Variants in AKAP13 observed in about 807,000 individuals in gnomAD.
AKAP13 encodes the protein A-kinase anchoring protein 13.
AKAP13 carries 80 observed loss-of-function variants against 264.5 expected under a neutral mutation model. That is an observed-to-expected ratio of 0.30 (90% CI 0.25 to 0.36). The LOEUF is 0.36. AKAP13 is among the 10% of genes least tolerant of loss of function. AKAP13 has a pLI of 1.00. For missense variants in AKAP13, 3,712 were observed against 3,435.2 expected, an observed-to-expected ratio of 1.08 and a Z score of -2.01; for synonymous variants, 1,380 against 1,250.2, an observed-to-expected ratio of 1.10 and a Z score of -2.19.
chr15:85,575,157 G>A lies in AKAP13; in HGVS notation c.689G>A (p.Trp230Ter). ...GAGAATGCTGGAGAACCAGACTCCTGGAGCAGTTTATCCTATGAAATACCG... is the reference window on the plus strand; with the variant it reads ...GAGAATGCTGGAGAACCAGACTCCTAGAGCAGTTTATCCTATGAAATACCG... ...TEENAGEPDS[W>*]SSLSYEIPYG... Residue 230 changes from tryptophan to a stop codon, truncating the protein, a stop_gained, in exon 6 of 37, where the codon TGG (tryptophan) becomes TAG (stop). Transcript: ENST00000394518. LOFTEE classifies it high-confidence loss of function. The A allele has an allele frequency of 6.2e-7, 1 of 1,614,048 alleles. No homozygotes were observed. Among genetic ancestry groups the A allele is most frequent in the African/African-American group, 1.3e-5 (1 of 75,008 alleles).
rs897857109 is a variant in AKAP13 at position 85,619,833 on chromosome 15, T to G, written c.4162-19541T>G. On this transcript the variant is annotated intron_variant, in intron 8 of 36. Transcript: ENST00000394518. Reference sequence around the variant, plus strand: ...TAGGTGGTATTTATTGTTTATATTATGAGTTCTACATTCATCTTTCCAGCA... The same window carrying G: ...TAGGTGGTATTTATTGTTTATATTAGGAGTTCTACATTCATCTTTCCAGCA... The G allele has an allele frequency of 1.2e-5, 15 of 1,301,432 alleles. No individual in the cohort carries two copies. The African/African-American group carries it at 2.1e-4, about 18-fold the overall frequency. The allele number at this position is 1,301,432 out of a possible 1,614,324, so 80.6% of individuals were successfully genotyped here. A position where few individuals can be genotyped will look rare whatever the true frequency, so the allele number is the denominator to read the frequency against.
chr15:85,590,893 A>G lies in AKAP13; in HGVS notation c.4161+5070A>G, dbSNP rs77386825. Among the ~76,000 whole-genome samples the G allele has an allele frequency of 9.0e-3, 1,369 of 152,290 alleles. 22 individuals carry two copies. The highest frequency in any genetic ancestry group is 0.028 in the African/African-American group (1,168 of 41,552). ...GCCTGGCACAAAATAAGTACAGCTT[A>G]GTATTATTATTAGTTTAGTAACTTC... On this transcript the variant is annotated intron_variant, in intron 8 of 36. Coordinates refer to ENST00000394518, the MANE Select transcript of AKAP13 (RefSeq NM_007200.5).
At chr15:85,569,521 C>T (rs1391107445) in intron 5 of AKAP13, among the ~76,000 whole-genome samples, 2 of 146,632 alleles carry the variant, frequency 1.4e-5, no homozygotes, top group Non-Finnish European at 3.0e-5. Flanking sequence ...GCATCGATCT[C>T]GGCTCACTGC....
intron 10 of AKAP13, among the ~76,000 whole-genome samples, chr15:85,650,788 A>AAAAAAAAAAAAAAG (rs2082790363): frequency 8.0e-6 from 1 of 124,994 alleles, no homozygotes; most frequent in African/African-American, 2.9e-5. Context: ...AAAAAAAAAA[A>AAAAAAAAAAAAAAG]AACAACAAAA....
At chr15:85,499,627 T>G (rs1439136348) in intron 2 of AKAP13, among the ~76,000 whole-genome samples, 1 of 152,092 alleles carries the variant, frequency 6.6e-6, no homozygotes, top group Non-Finnish European at 1.5e-5. Flanking sequence ...TAACGGCATC[T>G]CTTCCTCTCT....
chr15:85,405,742 T>G (rs2071630186), intron 1 of AKAP13, among the ~76,000 whole-genome samples: 1 of 152,226 alleles, frequency 6.6e-6, no homozygotes, highest in Non-Finnish European at 1.5e-5. Flanking sequence ...TCCAGACTTC[T>G]CTAACGGAGT....
intron 5 of AKAP13, among the ~76,000 whole-genome samples, chr15:85,571,126 G>A (rs2151290310): frequency 6.6e-6 from 1 of 152,258 alleles, no homozygotes. Flanking sequence ...TAGTGTACAG[G>A]TGAGTAAAAG....
In AKAP13 at chr15:85,581,720, G is replaced by T. The variant is rs1013154636; in HGVS notation, c.3652G>T (p.Ala1218Ser). ...AGCTGGTGTGAGGGAAGTCATGCGA[G>T]CCCCGCCTTCAGGCAGGGAAAGGAG... is the stretch of plus-strand genomic sequence containing the variant. ...APAGVREVMRAPPSGRERSTP... is the reference protein window; with the variant it reads ...APAGVREVMRSPPSGRERSTP... The change falls in exon 7 of 37, where the codon GCC becomes TCC. Residue 1218 changes from alanine to serine, a missense_variant. This residue lies in a region of AKAP13 where 2,759 missense variants were observed against 2,411.7 expected (regional missense o/e 1.14). Coordinates refer to ENST00000394518, the MANE Select transcript of AKAP13 (RefSeq NM_007200.5). The T allele has an allele frequency of 6.2e-7, 1 of 1,614,060 alleles. No individual in the cohort carries two copies. The highest frequency in any genetic ancestry group is 8.5e-7 in the Non-Finnish European group (1 of 1,180,026).
Position 85,642,695 on chromosome 15 carries a change from C to T in AKAP13, c.4238-3123C>T, listed in dbSNP as rs1338144513. ...CTCGTCCCAAACTTGGTTTGTTATC[C>T]CTTGTGGTGCTGGCTTGAATTTATT... is the stretch of plus-strand genomic sequence containing the variant. On this transcript the variant is annotated intron_variant, in intron 9 of 36. Coordinates refer to ENST00000394518, the MANE Select transcript of AKAP13 (RefSeq NM_007200.5). Among the ~76,000 whole-genome samples the T allele has an allele frequency of 3.9e-5, 6 of 152,180 alleles. No individual in the cohort carries two copies. The South Asian group carries it at 6.2e-4, about 16-fold the overall frequency.
At chr15:85,401,930 T>G (rs1177671642) in intron 1 of AKAP13, among the ~76,000 whole-genome samples, 1 of 152,148 alleles carries the variant, frequency 6.6e-6, no homozygotes, top group Non-Finnish European at 1.5e-5. Context: ...CTGGTAGAAA[T>G]GTAAAGGATA....
At chr15:85,403,105 A>G (rs1169142871) in intron 1 of AKAP13, among the ~76,000 whole-genome samples, 2 of 152,218 alleles carry the variant, frequency 1.3e-5, no homozygotes, top group African/African-American at 2.4e-5. Flanking sequence ...CCTCATAAAT[A>G]AGGAAAAAAT....
rs114690403 is a variant in AKAP13, at chr15:85,533,676, G to A, written c.274G>A (p.Val92Ile). The A allele has an allele frequency of 7.2e-5, 117 of 1,614,118 alleles. 1 individual carries two copies. In the Admixed American group the frequency reaches 1.3e-3, roughly 18 times the overall value. The change falls in exon 4 of 37, where the codon GTC becomes ATC. Residue 92 changes from valine (V) to isoleucine (I), a missense_variant. Physicochemically the swap from Val to Ile is conservative, Grantham distance 29. Coordinates refer to ENST00000394518, the MANE Select transcript of AKAP13 (RefSeq NM_007200.5). ...GGTGGCTGAAGAAGACTTTCATTTCGTCCAGGATGAAGCGTATGATGCAGC... is the reference window on the plus strand; with the variant it reads ...GGTGGCTGAAGAAGACTTTCATTTCATCCAGGATGAAGCGTATGATGCAGC... Reference protein sequence around the residue: ...FVVAEEDFHFVQDEAYDAAQF... With the variant: ...FVVAEEDFHFIQDEAYDAAQF...
At chr15:85,381,814 T>A (rs1475057902) in intron 1 of AKAP13, 2 of 152,154 alleles carry the variant, frequency 1.3e-5, no homozygotes, top group African/African-American at 4.8e-5. Flanking sequence ...GTGTGCCTTT[T>A]TTTTTGTTAG....
intron 12 of AKAP13, among the ~76,000 whole-genome samples, chr15:85,663,651 C>T (rs1006345163): frequency 6.6e-6 from 1 of 152,176 alleles, no homozygotes; most frequent in Non-Finnish European, 1.5e-5. Context: ...TGGTCAGCTA[C>T]AGCTATGTTT....
chr15:85,553,174 C>T (rs570363290), intron 5 of AKAP13, among the ~76,000 whole-genome samples: 1 of 151,006 alleles, frequency 6.6e-6, no homozygotes, highest in Non-Finnish European at 1.5e-5. Context: ...GCAACCTCCA[C>T]CTCCCAGATG....
At position 85,444,550 on chromosome 15, in the gene AKAP13, C is replaced by G. The variant is rs950261515; in HGVS notation, c.-11-41160C>G. On this transcript the variant is annotated intron_variant, in intron 1 of 36. Transcript: ENST00000394518. ...TAGAGTAAAATCTTTGCACAGATGT[C>G]TTTTCCCTTTTCACATGTTAGAAAA... 5.3e-5 allele frequency among the ~76,000 whole-genome samples: 8 copies of G among 152,136 alleles called. No individual in the cohort carries two copies. The South Asian group carries it at 1.0e-3, about 20-fold the overall frequency.
At position 85,582,083 on chromosome 15, in the gene AKAP13, G is replaced by A. The variant is rs1387765277; in HGVS notation, c.4015G>A (p.Val1339Ile). 1.2e-6 allele frequency: 2 copies of A among 1,604,240 alleles called. No homozygotes were observed. Among genetic ancestry groups the A allele is most frequent in the Admixed American group, 1.7e-5 (1 of 58,410 alleles). Residue 1339 changes from valine (V) to isoleucine (I), a missense_variant, in exon 7 of 37, where the codon GTC becomes ATC. Physicochemically the swap from Val to Ile is conservative, Grantham distance 29. Around this residue, in one of 3 missense-constraint regions of AKAP13, gnomAD observed 2,759 missense variants for 2,411.7 expected, o/e 1.14. Transcript: ENST00000394518. The stretch of plus-strand genomic sequence containing the variant: ...GGAGCCAGAGAAGATCATTTTACCT[G>A]TCCAGGGGCCTGAGCCAGCAGCAGG... ...REEPEKIILP[V>I]QGPEPAAEMP...
intron 26 of AKAP13, 52 bp from the exon 27 acceptor site, chr15:85,726,358 A>G (rs1346442202): frequency 1.4e-6 from 2 of 1,470,516 alleles, no homozygotes; most frequent in African/African-American, 1.4e-5. Context: ...ACTGTGGGTA[A>G]CTATTAAGTA....
At chr15:85,631,502 T>TCTCTCTCACA (rs1372440393) in intron 8 of AKAP13, among the ~76,000 whole-genome samples, 14 of 141,050 alleles carry the variant, frequency 9.9e-5, no homozygotes, top group African/African-American at 2.7e-4. Context: ...TCTCTCTCTC[T>TCTCTCTCACA]CACACACACA....
Sources: allele counts gnomAD v4.1 joint callset (sites outside exome capture counted in the v4.1 genomes callset), GRCh38; gene constraint gnomAD v4.1.1; regional missense constraint gnomAD v4.1.1; transcripts MANE v1.5; gene names NCBI Gene and HGNC (gene_info 2026-07-23, HGNC 2026-07-21).